The following KALRN variants were observed in gnomAD, a reference collection of about 807,000 sequenced individuals.
KALRN encodes the protein kalirin.
In KALRN, 70 loss-of-function variants were observed where a neutral mutation model predicts 353.7. The observed-to-expected ratio is 0.20, with a 90% CI of 0.16 to 0.24. The LOEUF is 0.24. Ranked by LOEUF, KALRN falls within the 10% of genes least tolerant of loss-of-function variation. KALRN has a pLI of 1.00. For synonymous variants in KALRN, 1,391 were observed against 1,434.8 expected, an observed-to-expected ratio of 0.97 and a Z score of 0.69; for missense variants, 2,791 against 3,756.7, an observed-to-expected ratio of 0.74 and a Z score of 6.72.
At chr3:124,523,126 C>G (rs2109033590) in intron 33 of KALRN, among the ~76,000 whole-genome samples, 1 of 152,298 alleles carries the variant, frequency 6.6e-6, no homozygotes, top group Non-Finnish European at 1.5e-5. Context: ...AAAATTGAGA[C>G]AAAAAGAGGT....
chr3:124,371,671 G>T (rs554117826), intron 10 of KALRN, among the ~76,000 whole-genome samples: 2 of 152,044 alleles, frequency 1.3e-5, no homozygotes, highest in South Asian at 2.1e-4. Flanking sequence ...TTTTTTGTGG[G>T]TACATATTGG....
At chr3:124,382,730 T>A (rs757307247) in intron 10 of KALRN, among the ~76,000 whole-genome samples, 2 of 152,206 alleles carry the variant, frequency 1.3e-5, no homozygotes, top group African/African-American at 2.4e-5. Context: ...CCTGAGACTC[T>A]TTAGGATTAA....
intron 1 of KALRN, among the ~76,000 whole-genome samples, chr3:124,147,055 CTA>C (rs770267235): frequency 3.3e-5 from 5 of 152,092 alleles, no homozygotes; most frequent in Non-Finnish European, 7.4e-5. Context: ...TTTTACAAAA[CTA>C]TGTGAGATAA....
rs1244557879 is a variant in KALRN at position 124,658,444 on chromosome 3, A to G, written c.6050A>G (p.His2017Arg). ...QLFIKHERKL[H>R]IYVWYCQNKP... ...CTGCTCTTTCAGGAGCGGAAGCTGC[A>G]CATCTACGTGTGGTATTGTCAGAAT... is the stretch of plus-strand genomic sequence containing the variant. The change falls in exon 42 of 60, where the codon CAC becomes CGC. Residue 2017 changes from histidine to arginine, a missense_variant. Coordinates refer to ENST00000682506, the MANE Select transcript of KALRN (RefSeq NM_001388419.1). 6.2e-7 allele frequency: 1 copy of G among 1,613,562 alleles called. No homozygotes were observed. The highest frequency in any genetic ancestry group is 8.5e-7 in the Non-Finnish European group (1 of 1,179,452).
chr3:124,057,264 T>C (rs1038026088), intron 1 of KALRN, among the ~76,000 whole-genome samples: 10 of 152,064 alleles, frequency 6.6e-5, no homozygotes, highest in African/African-American at 1.7e-4. Flanking sequence ...CAGGTATGAG[T>C]ACATTATTCT....
chr3:124,104,040 G>A (rs2062087787), intron 1 of KALRN, among the ~76,000 whole-genome samples: 1 of 152,144 alleles, frequency 6.6e-6, no homozygotes, highest in Non-Finnish European at 1.5e-5. Flanking sequence ...TACTTATAAG[G>A]GGGAGCTCTT....
chr3:124,276,299 TA>T (rs1030246321), intron 5 of KALRN, among the ~76,000 whole-genome samples: 7 of 152,212 alleles, frequency 4.6e-5, no homozygotes, highest in Admixed American at 2.0e-4. Context: ...TTGAGGTTGG[TA>T]TGTCCTGTTG....
intron 10 of KALRN, among the ~76,000 whole-genome samples, chr3:124,382,102 C>T (rs1469443829): frequency 6.6e-6 from 1 of 152,092 alleles, no homozygotes; most frequent in East Asian, 1.9e-4. Context: ...TGACTTTGGC[C>T]CGAAATTCTT....
intron 6 of KALRN, 87 bp downstream of exon 6, chr3:124,299,000 C>T: frequency 6.5e-7 from 1 of 1,541,322 alleles, no homozygotes; most frequent in African/African-American, 1.4e-5. Context: ...GACTTTCCAC[C>T]CGAGGAAGAA....
chr3:124,222,828 C>A (rs2078066238), intron 1 of KALRN, among the ~76,000 whole-genome samples: 1 of 152,116 alleles, frequency 6.6e-6, no homozygotes, highest in Non-Finnish European at 1.5e-5. Context: ...TGGTCTCAAA[C>A]TCCTGGGCTC....
chr3:124,492,152 G>A (rs949323866), intron 31 of KALRN, among the ~76,000 whole-genome samples: 7 of 152,202 alleles, frequency 4.6e-5, no homozygotes, highest in Non-Finnish European at 7.3e-5. Flanking sequence ...ACTCTGAACT[G>A]CCAGCATAGC....
chr3:124,637,051 A>G (rs2081424309), intron 36 of KALRN, 157 bp from the exon 37 acceptor site: 1 of 651,042 alleles, frequency 1.5e-6, no homozygotes, highest in Non-Finnish European at 2.8e-6. Flanking sequence ...TGTATGTATT[A>G]CACCCACACT....
intron 7 of KALRN, among the ~76,000 whole-genome samples, chr3:124,328,427 C>T (rs2080150859): frequency 6.6e-6 from 1 of 152,106 alleles, no homozygotes; most frequent in Non-Finnish European, 1.5e-5. Flanking sequence ...TGCTACAGGC[C>T]ACCTGTTAGA....
intron 35 of KALRN, 130 bp downstream of exon 35, chr3:124,632,833 CT>C (rs1258953186): frequency 1.1e-6 from 1 of 896,312 alleles, no homozygotes; most frequent in Non-Finnish European, 1.7e-6. Context: ...GATTTGGATT[CT>C]TTTTATTCTT....
intron 33 of KALRN, among the ~76,000 whole-genome samples, chr3:124,517,033 G>C (rs962253269): frequency 6.6e-6 from 1 of 152,134 alleles, no homozygotes; most frequent in East Asian, 1.9e-4. Context: ...GGCCAGGTTA[G>C]TCTCGAACGC....
rs112911419 is a variant in KALRN at position 124,674,546 on chromosome 3, G to A, written c.7125G>A (p.Trp2375Ter). Reference sequence around the variant, plus strand: ...ACCATTCCCCCGCCGCCGAGGGCTGGGTCCCAGGCAGCATCCTGGCGCCCC... The same window carrying A: ...ACCATTCCCCCGCCGCCGAGGGCTGAGTCCCAGGCAGCATCCTGGCGCCCC... ...ASDHSPAAEG[W>*]VPGSILAPLT... Residue 2375 changes from tryptophan (W) to a stop codon, truncating the protein, a stop_gained, in exon 49 of 60, where the codon TGG becomes TGA. Coordinates refer to ENST00000682506, the MANE Select transcript of KALRN (RefSeq NM_001388419.1). LOFTEE classifies it high-confidence loss of function. The A allele has an allele frequency of 6.2e-7, 1 of 1,612,850 alleles. No individual in the cohort carries two copies. The highest frequency in any genetic ancestry group is 8.5e-7 in the Non-Finnish European group (1 of 1,179,358).
chr3:124,594,621 C>T (rs963066225), intron 34 of KALRN, among the ~76,000 whole-genome samples: 1 of 152,186 alleles, frequency 6.6e-6, no homozygotes, highest in South Asian at 2.1e-4. Flanking sequence ...GTTAAGAGTT[C>T]GGTGGGAAGA....
intron 44 of KALRN, among the ~76,000 whole-genome samples, chr3:124,661,239 A>G (rs1255442919): frequency 6.6e-6 from 1 of 152,222 alleles, no homozygotes; most frequent in Non-Finnish European, 1.5e-5. Context: ...CATAGTGGGA[A>G]AGGGTAACCC....
At chr3:124,655,557 T>C (rs753272989) in intron 38 of KALRN, 44 bp from the exon 39 acceptor site, 1 of 1,537,292 alleles carries the variant, frequency 6.5e-7, no homozygotes, top group Non-Finnish European at 9.0e-7. Context: ...ATTTTTGGCT[T>C]AACAATGAAG....
Sources: allele counts gnomAD v4.1 joint callset (sites outside exome capture counted in the v4.1 genomes callset), GRCh38; gene constraint gnomAD v4.1.1; transcripts MANE v1.5; gene names NCBI Gene and HGNC (gene_info 2026-07-23, HGNC 2026-07-21).